Variants in PTPRD observed in about 807,000 individuals in gnomAD.
The protein encoded by PTPRD is protein tyrosine phosphatase receptor type D.
A neutral mutation model predicts 214.5 loss-of-function variants in PTPRD; 34 were observed. That is an observed-to-expected ratio of 0.16 (90% confidence interval 0.12 to 0.21). The LOEUF (loss-of-function observed/expected upper bound fraction) is 0.21, where lower values mean the gene tolerates loss of function less well. Ranked by LOEUF, PTPRD falls within the 10% of genes least tolerant of loss-of-function variation. PTPRD has a pLI of 1.00. For synonymous variants in PTPRD, 1,128 were observed against 845.7 expected (o/e 1.33, Z -5.79); for missense variants, 2,545 against 2,398.7 (o/e 1.06, Z -1.27).
chr9:10,157,181 A>T (rs1306769078), intron 3 of PTPRD, among the ~76,000 whole-genome samples: 2 of 152,176 alleles, frequency 1.3e-5, no homozygotes, highest in African/African-American at 4.8e-5. Context: ...TCATGACATC[A>T]GCTGGCTGTT....
chr9:9,022,781 T>C (rs910474120), intron 10 of PTPRD, among the ~76,000 whole-genome samples: 1 of 152,186 alleles, frequency 6.6e-6, no homozygotes, highest in African/African-American at 2.4e-5. Context: ...TGTAATATGA[T>C]TTGCTGAAAG....
chr9:8,648,268 G>C (rs189075700), intron 12 of PTPRD, among the ~76,000 whole-genome samples: 1 of 152,336 alleles, frequency 6.6e-6, no homozygotes, highest in East Asian at 1.9e-4. Flanking sequence ...TTAATAAACA[G>C]TCATGGGATA....
intron 3 of PTPRD, among the ~76,000 whole-genome samples, chr9:10,239,545 G>C (rs1035775098): frequency 6.6e-6 from 1 of 151,494 alleles, no homozygotes; most frequent in African/African-American, 2.4e-5. Flanking sequence ...TAGTGAAAGG[G>C]AATTTGCAAA....
intron 3 of PTPRD, among the ~76,000 whole-genome samples, chr9:10,062,919 G>T (rs879088762): frequency 2.0e-5 from 3 of 152,006 alleles, no homozygotes; most frequent in Admixed American, 2.0e-4. Context: ...GACAACATGA[G>T]AATGAGAGAG....
chr9:9,992,586 G>C (rs1386333536), intron 4 of PTPRD, among the ~76,000 whole-genome samples: 1 of 152,174 alleles, frequency 6.6e-6, no homozygotes, highest in East Asian at 1.9e-4. Flanking sequence ...TTAAGAAAAT[G>C]TGGCACATAT....
chr9:9,144,085 T>C (rs10816049), intron 10 of PTPRD, among the ~76,000 whole-genome samples: 39,074 of 152,142 alleles, frequency 0.26, 5,435 homozygotes, highest in South Asian at 0.38. Flanking sequence ...ATGGATGGAG[T>C]ATTTCCCTTC....
At chr9:9,484,432 G>A (rs1390139239) in intron 8 of PTPRD, among the ~76,000 whole-genome samples, 1 of 152,092 alleles carries the variant, frequency 6.6e-6, no homozygotes, top group African/African-American at 2.4e-5. Context: ...ATAACTTCCT[G>A]GGCATATGAA....
rs554017537 is a variant in PTPRD at position 8,748,245 on chromosome 9, G to C, written c.-103-14299C>G. 8.5e-5 allele frequency among the ~76,000 whole-genome samples: 13 copies of C among 152,240 alleles called. No individual in the cohort carries two copies. The South Asian group carries it at 2.5e-3, about 29-fold the overall frequency. On this transcript the variant is annotated intron_variant, in intron 11 of 45. Coordinates refer to ENST00000381196, the MANE Select transcript of PTPRD (RefSeq NM_002839.4). ...TCCTAGGCGGAATAAGAATCCCTAAGCCTAGCTGGGAAGGTGACTGCATCC... is the reference window on the plus strand; with the variant it reads ...TCCTAGGCGGAATAAGAATCCCTAACCCTAGCTGGGAAGGTGACTGCATCC...
intron 11 of PTPRD, among the ~76,000 whole-genome samples, chr9:8,852,575 A>G (rs922447331): frequency 1.3e-5 from 2 of 152,202 alleles, no homozygotes; most frequent in Admixed American, 6.5e-5. Context: ...GCAGGTGAAG[A>G]GGGAAGAACA....
chr9:10,070,337 A>T (rs1390498898), intron 3 of PTPRD, among the ~76,000 whole-genome samples: 4 of 152,072 alleles, frequency 2.6e-5, no homozygotes, highest in African/African-American at 7.2e-5. Context: ...AAGATAGAGG[A>T]TTATAAAGTT....
intron 11 of PTPRD, among the ~76,000 whole-genome samples, chr9:8,902,909 G>A (rs1336654161): frequency 2.6e-5 from 4 of 152,156 alleles, no homozygotes; most frequent in Non-Finnish European, 5.9e-5. Flanking sequence ...GTTAATAGTA[G>A]TAATGAAGGG....
rs2097682535 is a variant in PTPRD, at chr9:10,057,710, G to A, written c.-544-23920C>T. Among the ~76,000 whole-genome samples, 3 of 151,964 alleles carry A rather than the reference G, an allele frequency of 2.0e-5. No individual in the cohort carries two copies. The South Asian group carries it at 6.2e-4, about 32-fold the overall frequency. ...TACAAAAAAATTAGCTGGGCGTGGT[G>A]CACGTGTCTGTAGTCCCAGCTACTT... is the stretch of plus-strand genomic sequence containing the variant. On this transcript the variant is annotated intron_variant, in intron 3 of 45. Transcript: ENST00000381196.
At chr9:9,849,518 C>G (rs1315246282) in intron 5 of PTPRD, among the ~76,000 whole-genome samples, 1 of 151,970 alleles carries the variant, frequency 6.6e-6, no homozygotes, top group Non-Finnish European at 1.5e-5. Context: ...ATGCTATTGT[C>G]CATTCCAAGT....
chr9:9,069,298 A>G (rs2154407335), intron 10 of PTPRD, among the ~76,000 whole-genome samples: 1 of 152,358 alleles, frequency 6.6e-6, no homozygotes, highest in African/African-American at 2.4e-5. Context: ...AAAGAGCAGT[A>G]AATACAAAAA....
At chr9:10,162,606 C>T (rs759751099) in intron 3 of PTPRD, among the ~76,000 whole-genome samples, 8 of 148,414 alleles carry the variant, frequency 5.4e-5, no homozygotes, top group African/African-American at 1.2e-4. Flanking sequence ...CAGTTTTATA[C>T]GTACGTATAT....
At chr9:9,770,869 T>A (rs930256995) in intron 5 of PTPRD, among the ~76,000 whole-genome samples, 34 of 152,174 alleles carry the variant, frequency 2.2e-4, no homozygotes, top group African/African-American at 8.0e-4. Context: ...TTTGTTTTTG[T>A]TGCTGTTATT....
At chr9:10,607,325 C>G in intron 2 of PTPRD, among the ~76,000 whole-genome samples, 1 of 151,720 alleles carries the variant, frequency 6.6e-6, no homozygotes, top group East Asian at 1.9e-4. Flanking sequence ...AATTAGAGAG[C>G]AATTTGTTAT....
At chr9:8,708,691 A>AC (rs1336636529) in intron 12 of PTPRD, among the ~76,000 whole-genome samples, 2 of 147,352 alleles carry the variant, frequency 1.4e-5, no homozygotes, top group Non-Finnish European at 1.5e-5. Context: ...AAAAAAAAAA[A>AC]AAAAAAAAAA....
intron 39 of PTPRD, among the ~76,000 whole-genome samples, chr9:8,353,934 G>GTATATATATATATA (rs2076293083): frequency 1.3e-5 from 1 of 78,006 alleles, no homozygotes; most frequent in African/African-American, 7.2e-5. Context: ...ATATGTGTGT[G>GTATATATATATATA]TACATATATA....
Sources: allele counts gnomAD v4.1 joint callset (sites outside exome capture counted in the v4.1 genomes callset), GRCh38; gene constraint gnomAD v4.1.1; transcripts MANE v1.5; gene names NCBI Gene and HGNC (gene_info 2026-07-23, HGNC 2026-07-21).